FBXL5: variants seen among roughly 807,000 people sequenced by gnomAD.
FBXL5 encodes the protein F-box and leucine rich repeat protein 5.
A neutral mutation model predicts 78.3 loss-of-function variants in FBXL5; 26 were observed. That is an observed-to-expected ratio of 0.33 (90% confidence interval 0.24 to 0.46). FBXL5 has a LOEUF of 0.46. FBXL5 is among the 20% of genes least tolerant of loss of function. FBXL5 has a pLI of 1.00. For synonymous variants in FBXL5, 295 were observed against 282.5 expected, an observed-to-expected ratio of 1.04 and a Z score of -0.45; for missense variants, 710 against 829.2, an observed-to-expected ratio of 0.86 and a Z score of 1.77.
chr4:15,615,681 C>T (rs1711769117), intron 9 of FBXL5, among the ~76,000 whole-genome samples: 1 of 150,628 alleles, frequency 6.6e-6, no homozygotes, highest in African/African-American at 2.5e-5. Context: ...CCTTGGAGAA[C>T]CTGTGTGACG....
At chr4:15,640,393 G>GA (rs33987840) in intron 3 of FBXL5, among the ~76,000 whole-genome samples, 22,699 of 91,464 alleles carry the variant, frequency 0.25, 3,477 homozygotes, top group African/African-American at 0.35. Flanking sequence ...CTACACTACT[G>GA]AAAAAAAAAA....
upstream of FBXL5, among the ~76,000 whole-genome samples, chr4:15,658,127 G>A (rs1360028602): frequency 1.3e-5 from 2 of 152,200 alleles, no homozygotes; most frequent in South Asian, 2.1e-4. Flanking sequence ...CCCTGGAAAG[G>A]GTTATTGGCC....
At chr4:15,663,831 G>A (rs1717418646), upstream of FBXL5, among the ~76,000 whole-genome samples, 1 of 152,100 alleles carries the variant, frequency 6.6e-6, no homozygotes, top group South Asian at 2.1e-4. Flanking sequence ...AGTTTGCCAA[G>A]GTTTCTGTAT....
Position 15,625,259 on chromosome 4 carries a change from C to T in FBXL5, c.1843G>A (p.Gly615Ser). 1 of 1,606,432 alleles carries T rather than the reference C, an allele frequency of 6.2e-7. No homozygotes were observed. The highest frequency in any genetic ancestry group is 8.5e-7 in the Non-Finnish European group (1 of 1,176,076). The stretch of plus-strand genomic sequence containing the variant: ...CTGGAACTGATAACTCACCTGAGAC[C>T]ATGGTCTGTGATCTGATAACATCCA... ...LSGCYQITDH[G>S]LRVLTLGGGL... The change falls in exon 9 of 11, where the codon GGT becomes AGT. Residue 615 changes from glycine to serine, a missense_variant. Gly to Ser is a moderately conservative substitution (Grantham distance 56, BLOSUM62 0). Around this residue, in one of 4 missense-constraint regions of FBXL5, gnomAD observed 58 missense variants for 112.3 expected, o/e 0.52. Coordinates refer to ENST00000341285, the MANE Select transcript of FBXL5 (RefSeq NM_012161.4).
At chr4:15,670,697 C>T (rs1408590746) in intron 1 of FBXL5, among the ~76,000 whole-genome samples, 1 of 111,460 alleles carries the variant, frequency 9.0e-6, no homozygotes, top group African/African-American at 3.2e-5. Flanking sequence ...TCTTTTATAA[C>T]CCTTGAAAAA....
At chr4:15,635,869 TGAAAA>T (rs1006129788) in intron 5 of FBXL5, among the ~76,000 whole-genome samples, 19 of 152,066 alleles carry the variant, frequency 1.2e-4, no homozygotes, top group Non-Finnish European at 2.2e-4. Context: ...TATATGTTGA[TGAAAA>T]GAAAATTTTC....
intron 8 of FBXL5, among the ~76,000 whole-genome samples, chr4:15,626,660 G>A (rs144904513): frequency 1.3e-5 from 2 of 152,260 alleles, no homozygotes; most frequent in East Asian, 1.9e-4. Flanking sequence ...CAAAATATAG[G>A]ACTACAGAGA....
intron 3 of FBXL5, among the ~76,000 whole-genome samples, chr4:15,639,115 T>C (rs1398721778): frequency 6.6e-6 from 1 of 152,148 alleles, no homozygotes; most frequent in Admixed American, 6.5e-5. Context: ...GGCGAGCCGA[T>C]ATTGCGCCAT....
chr4:15,641,356 C>T (rs1714854486), intron 2 of FBXL5, among the ~76,000 whole-genome samples: 2 of 152,098 alleles, frequency 1.3e-5, no homozygotes, highest in African/African-American at 2.4e-5. Context: ...GCCTCTCCCA[C>T]CCCTGCAACA....
Position 15,612,413 on chromosome 4 carries a change from C to T in FBXL5, c.1852G>A (p.Val618Ile), listed in dbSNP as rs750868400. ...CYQITDHGLR[V>I]LTLGGGLPYL... The stretch of plus-strand genomic sequence containing the variant: ...GGCAGCCCTCCTCCCAGAGTCAAAA[C>T]CCTGTAAGAAAAATAATTTGACAAT... Residue 618 changes from valine to isoleucine, a missense_variant and splice_region_variant, in exon 10 of 11, where the codon GTT becomes ATT. Coordinates refer to ENST00000341285, the MANE Select transcript of FBXL5 (RefSeq NM_012161.4). The T allele has an allele frequency of 7.5e-6, 12 of 1,604,594 alleles. No individual in the cohort carries two copies. The highest frequency in any genetic ancestry group is 1.7e-4 in the Middle Eastern group (1 of 6,052).
At chr4:15,671,487 G>A (rs906877989) in intron 1 of FBXL5, among the ~76,000 whole-genome samples, 1 of 151,902 alleles carries the variant, frequency 6.6e-6, no homozygotes, top group African/African-American at 2.4e-5. Flanking sequence ...TGCCCAGGCT[G>A]GTCTCAAACA....
chr4:15,628,005 G>C lies in FBXL5; in HGVS notation c.921C>G (p.Ile307Met), dbSNP rs1345624950. ...SEESAEESIA[I>M]SIAQMEKRLL... is the part of the protein sequence containing the mutation. ...AACGTTTTTCCATTTGTGCAATGCT[G>C]ATAGCAATTGATTCCTCCGCAGACT... The change falls in exon 7 of 11, where the codon ATC becomes ATG. Residue 307 changes from isoleucine to methionine, a missense_variant. Physicochemically the swap from Ile to Met is conservative, Grantham distance 10. Around this residue, in one of 4 missense-constraint regions of FBXL5, gnomAD observed 517 missense variants for 542.9 expected, o/e 0.95. Coordinates refer to ENST00000341285, the MANE Select transcript of FBXL5 (RefSeq NM_012161.4). 6.2e-7 allele frequency: 1 copy of C among 1,613,572 alleles called. No individual in the cohort carries two copies. Among genetic ancestry groups the C allele is most frequent in the Non-Finnish European group, 8.5e-7 (1 of 1,179,792 alleles).
At position 15,626,905 on chromosome 4, in the gene FBXL5, G is replaced by A. The variant is rs377569649; in HGVS notation, c.1092C>T (p.Thr364=). Residue 364 remains threonine (T), a synonymous_variant, in exon 8 of 11, where the codon ACC becomes ACT. Transcript: ENST00000341285. The part of the protein sequence containing the change: ...LCPNLEHLDL[T]QTDISDSAFD... ...ATGCAGAATCTGAAATGTCAGTCTG[G>A]GTAAGATCCAGATGCTCCAGGTTAG... 1.9e-6 allele frequency: 3 copies of A among 1,611,528 alleles called. No homozygotes were observed. Among genetic ancestry groups the A allele is most frequent in the Non-Finnish European group, 2.5e-6 (3 of 1,178,764 alleles).
intron 1 of FBXL5, among the ~76,000 whole-genome samples, chr4:15,668,309 A>T (rs1437808333): frequency 6.6e-6 from 1 of 151,752 alleles, no homozygotes; most frequent in African/African-American, 2.4e-5. Context: ...CACTTGAACC[A>T]CATTTTCAAA....
At chr4:15,649,687 C>A (rs1008878352) in intron 1 of FBXL5, among the ~76,000 whole-genome samples, 1 of 151,352 alleles carries the variant, frequency 6.6e-6, no homozygotes, top group Non-Finnish European at 1.5e-5. Flanking sequence ...TTTGCCTTCA[C>A]ATATAGACTT....
chr4:15,652,928 C>T (rs1053563611), intron 1 of FBXL5, among the ~76,000 whole-genome samples: 5 of 152,128 alleles, frequency 3.3e-5, no homozygotes, highest in Admixed American at 3.3e-4. Context: ...CAAAGGATGG[C>T]AAAACGTGAG....
chr4:15,669,347 A>G (rs1717668726), intron 1 of FBXL5, among the ~76,000 whole-genome samples: 1 of 152,232 alleles, frequency 6.6e-6, no homozygotes. Context: ...TAGGAAAGGT[A>G]GAGTAAAAAT....
intron 8 of FBXL5, 72 bp downstream of exon 8, chr4:15,626,801 A>T: frequency 9.3e-7 from 1 of 1,081,000 alleles, no homozygotes; most frequent in Non-Finnish European, 1.3e-6. Context: ...TAGTATGATT[A>T]AACTGCAATT....
intron 2 of FBXL5, among the ~76,000 whole-genome samples, 200 bp from the exon 3 acceptor site, chr4:15,641,083 A>G (rs750895123): frequency 1.3e-5 from 2 of 152,226 alleles, no homozygotes; most frequent in East Asian, 3.9e-4. Context: ...ATGTAACCCC[A>G]TATTTTTAAA....
Sources: allele counts gnomAD v4.1 joint callset (sites outside exome capture counted in the v4.1 genomes callset), GRCh38; gene constraint gnomAD v4.1.1; regional missense constraint gnomAD v4.1.1; transcripts MANE v1.5; gene names NCBI Gene and HGNC (gene_info 2026-07-23, HGNC 2026-07-21).